PEX5L: variants seen among roughly 807,000 people sequenced by gnomAD.
PEX5L encodes the protein PEX5-related protein.
PEX5L carries 30 observed loss-of-function variants against 84.0 expected under a neutral mutation model. The ratio of observed to expected loss-of-function variants is 0.36; its 90% CI spans 0.27 to 0.48. The LOEUF (loss-of-function observed/expected upper bound fraction) is 0.48. PEX5L is among the 20% of genes least tolerant of loss of function. PEX5L has a pLI of 0.99. For synonymous variants in PEX5L, 270 were observed against 283.1 expected, an observed-to-expected ratio of 0.95 and a Z score of 0.46; for missense variants, 533 against 754.6, an observed-to-expected ratio of 0.71 and a Z score of 3.44.
intron 8 of PEX5L, among the ~76,000 whole-genome samples, chr3:179,837,568 G>A (rs1396317905): frequency 3.3e-5 from 5 of 152,122 alleles, no homozygotes; most frequent in Non-Finnish European, 7.4e-5. Flanking sequence ...TAGTCCACCC[G>A]GTGGCTAACT....
At position 179,797,276 on chromosome 3, in the gene PEX5L, A is replaced by C. The variant is rs1441747342; in HGVS notation, c.*4552T>G. On this transcript the variant is annotated 3_prime_UTR_variant, in exon 15 of 15. Coordinates refer to ENST00000467460, the MANE Select transcript of PEX5L (RefSeq NM_016559.3). Reference sequence around the variant, plus strand: ...AAACCAGATGTGTGAATATCTGTAAAGTTCAGTGTGATAGCATGAAAACAA... The same window carrying C: ...AAACCAGATGTGTGAATATCTGTAACGTTCAGTGTGATAGCATGAAAACAA... 1 of 152,198 alleles carries C rather than the reference A, an allele frequency of 6.6e-6. No homozygotes were observed. Among genetic ancestry groups the C allele is most frequent in the Non-Finnish European group, 1.5e-5 (1 of 68,030 alleles). The allele number at this position is 152,198 out of a possible 1,614,324, so 9.4% of individuals were successfully genotyped here.
intron 1 of PEX5L, among the ~76,000 whole-genome samples, chr3:179,984,773 G>A (rs1281849663): frequency 1.3e-5 from 2 of 152,100 alleles, no homozygotes; most frequent in Non-Finnish European, 2.9e-5. Context: ...GCTCTCTGTT[G>A]CTTAGTATAT....
rs978560976 is a variant in PEX5L, at chr3:179,842,308, T to C, written c.822+16754A>G. ...GACGGGTAGCTGTTTCTAGTTTCAT[T>C]TGCAAATGAATGGACACAGCAGGAC... On this transcript the variant is annotated intron_variant, in intron 8 of 14. Coordinates refer to ENST00000467460, the MANE Select transcript of PEX5L (RefSeq NM_016559.3). Among the ~76,000 whole-genome samples the C allele has an allele frequency of 3.3e-5, 5 of 152,266 alleles. No individual in the cohort carries two copies. The East Asian group carries it at 9.6e-4, about 29-fold the overall frequency.
chr3:179,824,731 C>G (rs913067302), intron 8 of PEX5L, among the ~76,000 whole-genome samples: 7 of 131,384 alleles, frequency 5.3e-5, no homozygotes, highest in Admixed American at 4.6e-4. Context: ...AAAAAAAAAG[C>G]AGTACTTCTT....
intron 11 of PEX5L, 110 bp downstream of exon 11, chr3:179,811,691 T>C: frequency 1.2e-6 from 1 of 851,316 alleles, no homozygotes; most frequent in East Asian, 2.4e-5. Flanking sequence ...ACTTATCCTT[T>C]ACAAATTCTT....
chr3:179,804,794 T>A (rs556336240), intron 14 of PEX5L, among the ~76,000 whole-genome samples: 1 of 152,328 alleles, frequency 6.6e-6, no homozygotes, highest in South Asian at 2.1e-4. Context: ...TACCTCAAAT[T>A]ATACTTCTTT....
intron 2 of PEX5L, among the ~76,000 whole-genome samples, chr3:179,947,807 T>C (rs1778005089): frequency 1.3e-5 from 2 of 151,642 alleles, no homozygotes; most frequent in Non-Finnish European, 1.5e-5. Flanking sequence ...CCTGGGTTCA[T>C]GCCATTCTCC....
intron 1 of PEX5L, among the ~76,000 whole-genome samples, chr3:179,994,738 C>T (rs531818831): frequency 1.3e-5 from 2 of 152,162 alleles, no homozygotes; most frequent in South Asian, 4.2e-4. Flanking sequence ...AAGGCAGACC[C>T]ACTCTTTATC....
Position 179,797,457 on chromosome 3 carries a change from T to C in PEX5L, c.*4371A>G, listed in dbSNP as rs1403856020. ...TTCAGTCAAGTTATCTTGCATGCTT[T>C]GGTTAATATTTGAGTAGGCAAATTT... On this transcript the variant is annotated 3_prime_UTR_variant, in exon 15 of 15. Coordinates refer to ENST00000467460, the MANE Select transcript of PEX5L (RefSeq NM_016559.3). The C allele has an allele frequency of 6.6e-6, 1 of 152,100 alleles. No individual in the cohort carries two copies. Among genetic ancestry groups the C allele is most frequent in the Non-Finnish European group, 1.5e-5 (1 of 68,006 alleles). The allele number at this position is 152,100 out of a possible 1,614,324, so 9.4% of individuals were successfully genotyped here. A position where few individuals can be genotyped will look rare whatever the true frequency, so the allele number is the denominator to read the frequency against.
chr3:179,960,960 C>T (rs1325766321), intron 2 of PEX5L, among the ~76,000 whole-genome samples: 1 of 152,044 alleles, frequency 6.6e-6, no homozygotes, highest in Non-Finnish European at 1.5e-5. Context: ...TTTTCTACAA[C>T]AAAATTAGTT....
chr3:180,011,449 A>G lies in PEX5L; in HGVS notation c.21+25130T>C, dbSNP rs1176662679. Among the ~76,000 whole-genome samples the G allele has an allele frequency of 2.6e-5, 4 of 152,320 alleles. 1 individual carries two copies. Among genetic ancestry groups the G allele is most frequent in the Non-Finnish European group, 5.9e-5 (4 of 68,028 alleles). ...ACAGTAGCATGCTCCTCCAGAAAAGAAGACTGAGAAAATGCATGTGACTTA... is the reference window on the plus strand; with the variant it reads ...ACAGTAGCATGCTCCTCCAGAAAAGGAGACTGAGAAAATGCATGTGACTTA... On this transcript the variant is annotated intron_variant, in intron 1 of 14. Coordinates refer to ENST00000467460, the MANE Select transcript of PEX5L (RefSeq NM_016559.3).
chr3:179,953,312 A>T (rs936537954), intron 2 of PEX5L, among the ~76,000 whole-genome samples: 1 of 152,174 alleles, frequency 6.6e-6, no homozygotes, highest in Non-Finnish European at 1.5e-5. Flanking sequence ...AGAGTGAACA[A>T]GCAACCTACA....
At chr3:179,805,540 T>A (rs901095266) in intron 14 of PEX5L, among the ~76,000 whole-genome samples, 4 of 152,210 alleles carry the variant, frequency 2.6e-5, no homozygotes, top group Non-Finnish European at 4.4e-5. Flanking sequence ...TATTGTTTTT[T>A]AAAAAGTTGT....
intron 5 of PEX5L, among the ~76,000 whole-genome samples, chr3:179,876,453 C>T (rs182408073): frequency 3.6e-4 from 55 of 151,222 alleles, no homozygotes; most frequent in African/African-American, 1.3e-3. Context: ...GCCCAGATTG[C>T]GCCTCTGCAC....
At chr3:179,909,504 C>CAATAGGGTAAA (rs1764428687) in intron 2 of PEX5L, among the ~76,000 whole-genome samples, 1 of 152,090 alleles carries the variant, frequency 6.6e-6, no homozygotes, top group Non-Finnish European at 1.5e-5. Context: ...TAATAGGGTA[C>CAATAGGGTAAA]AGAGATCAAG....
chr3:179,917,762 C>T (rs937736093), intron 2 of PEX5L, among the ~76,000 whole-genome samples: 4 of 152,116 alleles, frequency 2.6e-5, no homozygotes, highest in Admixed American at 2.6e-4. Flanking sequence ...TGGGTTCAAG[C>T]GATTCTCCTG....
intron 2 of PEX5L, among the ~76,000 whole-genome samples, chr3:179,941,893 C>T (rs1178688354): frequency 7.9e-5 from 12 of 151,430 alleles, no homozygotes; most frequent in African/African-American, 2.4e-4. Flanking sequence ...TGGTGGTGGG[C>T]GCCTGTAATC....
chr3:179,913,692 A>G (rs1765980826), intron 2 of PEX5L, among the ~76,000 whole-genome samples: 1 of 152,148 alleles, frequency 6.6e-6, no homozygotes, highest in South Asian at 2.1e-4. Flanking sequence ...GGATATTTTA[A>G]TATCATAGCG....
chr3:179,931,782 A>T (rs1773184818), intron 2 of PEX5L, among the ~76,000 whole-genome samples: 1 of 152,194 alleles, frequency 6.6e-6, no homozygotes, highest in Admixed American at 6.5e-5. Flanking sequence ...GTTCACATGT[A>T]TCTAAACTCA....
Sources: allele counts gnomAD v4.1 joint callset (sites outside exome capture counted in the v4.1 genomes callset), GRCh38; gene constraint gnomAD v4.1.1; transcripts MANE v1.5; gene names NCBI Gene and HGNC (gene_info 2026-07-23, HGNC 2026-07-21).